C8orf88: variants seen among roughly 807,000 people sequenced by gnomAD.
C8orf88 encodes uncharacterized protein C8orf88.
Under a neutral mutation model 18.4 loss-of-function variants are expected in C8orf88, and 14 were observed. The observed-to-expected ratio is 0.76, with a 90% CI of 0.50 to 1.19. C8orf88 has a LOEUF of 1.19. Among genes scored for constraint, C8orf88 ranks in the 50% most tolerant of loss-of-function variants. The pLI, the probability that C8orf88 is intolerant of heterozygous loss-of-function variation, is 0.00. For missense variants in C8orf88, 116 were observed against 134.7 expected (o/e 0.86, Z 0.69); for synonymous variants, 45 against 42.9 (o/e 1.05, Z -0.19).
chr8:90,983,658 T>C (rs1811464895), intron 1 of C8orf88, among the ~76,000 whole-genome samples: 1 of 152,140 alleles, frequency 6.6e-6, no homozygotes, highest in African/African-American at 2.4e-5. Context: ...AAATATAATT[T>C]CATTTAATTT....
At chr8:90,982,885 A>G (rs1811453770) in intron 1 of C8orf88, among the ~76,000 whole-genome samples, 1 of 152,198 alleles carries the variant, frequency 6.6e-6, no homozygotes, top group Non-Finnish European at 1.5e-5. Context: ...AAGTATTTAT[A>G]AAAAGTAATT....
chr8:90,972,528 G>T (rs1258550309), intron 3 of C8orf88, among the ~76,000 whole-genome samples: 1 of 151,802 alleles, frequency 6.6e-6, no homozygotes, highest in Non-Finnish European at 1.5e-5. Flanking sequence ...AGGTAAAATT[G>T]TACCTTGTCA....
chr8:90,971,283 T>C, intron 3 of C8orf88, 142 bp from the exon 4 acceptor site: 1 of 409,588 alleles, frequency 2.4e-6, no homozygotes, highest in Non-Finnish European at 4.3e-6. Context: ...AGTCTGCTTA[T>C]TTAAAATGAG....
At chr8:90,962,114 G>A (rs1047964682) in intron 4 of C8orf88, among the ~76,000 whole-genome samples, 10 of 151,456 alleles carry the variant, frequency 6.6e-5, no homozygotes, top group Non-Finnish European at 1.2e-4. Flanking sequence ...GAAATACATC[G>A]AGGAAAAATT....
chr8:90,979,999 TA>T (rs1269646659), intron 2 of C8orf88, among the ~76,000 whole-genome samples: 1 of 152,212 alleles, frequency 6.6e-6, no homozygotes, highest in African/African-American at 2.4e-5. Context: ...CTTATTCTTT[TA>T]AAAGGTTAAA....
rs34558575 is a variant in C8orf88 at position 90,968,657 on chromosome 8, CATATATATATATATAT to C, written c.223+2393_223+2408del. On this transcript the variant is annotated intron_variant, in intron 4 of 5. Transcript: ENST00000517562. ...TCTCCAGTAGAGAATGAAAAGACAA[CATATATATATATATAT>C]ATATATATATATGCACACACTGGAA... Among the ~76,000 whole-genome samples, 454 of 72,822 alleles carry C rather than the reference CATATATATATATATAT, an allele frequency of 6.2e-3. 18 individuals are homozygous for C. Among genetic ancestry groups the C allele is most frequent in the Middle Eastern group, 0.016 (2 of 128 alleles). The allele number at this position is 72,822 out of a possible 152,430, so 47.8% of individuals were successfully genotyped here. A position where few individuals can be genotyped will look rare whatever the true frequency, so the allele number is the denominator to read the frequency against.
At chr8:90,975,563 T>C (rs1455237442) in intron 3 of C8orf88, among the ~76,000 whole-genome samples, 1 of 151,874 alleles carries the variant, frequency 6.6e-6, no homozygotes, top group Non-Finnish European at 1.5e-5. Flanking sequence ...TCACTAAACA[T>C]TAGGAAAATG....
intron 3 of C8orf88, among the ~76,000 whole-genome samples, chr8:90,973,104 A>G (rs1279874199): frequency 6.6e-6 from 1 of 152,144 alleles, no homozygotes; most frequent in Non-Finnish European, 1.5e-5. Flanking sequence ...AGGCAGAAAA[A>G]TAAAAGAGCA....
At chr8:90,970,958 TATA>T in intron 4 of C8orf88, 105 bp downstream of exon 4, 2 of 593,878 alleles carry the variant, frequency 3.4e-6, no homozygotes, top group Non-Finnish European at 5.3e-6. Context: ...TCAAAAAATA[TATA>T]ATAAAATTTC....
chr8:90,962,030 T>C (rs1459637160), intron 4 of C8orf88, among the ~76,000 whole-genome samples: 1 of 151,372 alleles, frequency 6.6e-6, no homozygotes, highest in Non-Finnish European at 1.5e-5. Context: ...ATAAGAAGGG[T>C]TGAATTACTA....
At chr8:90,965,937 T>C (rs568206660) in intron 4 of C8orf88, among the ~76,000 whole-genome samples, 1 of 151,212 alleles carries the variant, frequency 6.6e-6, no homozygotes, top group Admixed American at 6.6e-5. Context: ...AAGAAATAAC[T>C]CCATATCTAA....
At chr8:90,980,579 C>A in intron 1 of C8orf88, 118 bp from the exon 2 acceptor site, 1 of 511,810 alleles carries the variant, frequency 2.0e-6, no homozygotes, top group South Asian at 3.1e-5. Flanking sequence ...AAGTGGAAAA[C>A]ACAAACACAA....
chr8:90,969,729 A>G (rs1191582264), intron 4 of C8orf88, among the ~76,000 whole-genome samples: 4 of 151,934 alleles, frequency 2.6e-5, no homozygotes, highest in Non-Finnish European at 4.4e-5. Context: ...TTGCACAACA[A>G]TTGTGAATGT....
intron 4 of C8orf88, among the ~76,000 whole-genome samples, chr8:90,967,903 T>C (rs1228404728): frequency 1.3e-5 from 2 of 151,700 alleles, no homozygotes; most frequent in African/African-American, 4.8e-5. Flanking sequence ...AACTGTAAAA[T>C]ATTGCTAAAA....
At chr8:90,963,479 A>G (rs372123525) in intron 4 of C8orf88, among the ~76,000 whole-genome samples, 3 of 151,860 alleles carry the variant, frequency 2.0e-5, no homozygotes, top group South Asian at 4.1e-4. Flanking sequence ...AAAAAGAAAT[A>G]GAAATTTTCA....
chr8:90,964,598 C>T (rs1811169543), intron 4 of C8orf88, among the ~76,000 whole-genome samples: 1 of 151,634 alleles, frequency 6.6e-6, no homozygotes, highest in Non-Finnish European at 1.5e-5. Flanking sequence ...TGTAACTACA[C>T]AGGTAAATAT....
At chr8:90,981,507 A>T (rs1322543119) in intron 1 of C8orf88, among the ~76,000 whole-genome samples, 1 of 152,128 alleles carries the variant, frequency 6.6e-6, no homozygotes, top group Non-Finnish European at 1.5e-5. Flanking sequence ...AGGTTAAATA[A>T]AATAGTCTAC....
intron 3 of C8orf88, among the ~76,000 whole-genome samples, chr8:90,976,667 T>C (rs765183364): frequency 6.6e-6 from 1 of 151,996 alleles, no homozygotes; most frequent in Non-Finnish European, 1.5e-5. Flanking sequence ...GATATATCTA[T>C]ATGAAAAATT....
In C8orf88 at chr8:90,963,788, T is replaced by C. The variant is rs191964592; in HGVS notation, c.224-2940A>G. ...TCTGAGGAGTAGAAAGAAAAAAGAA[T>C]AAAGAAAATGAACAGAGCCTAAGAC... On this transcript the variant is annotated intron_variant, in intron 4 of 5. Transcript: ENST00000517562. Among the ~76,000 whole-genome samples the C allele has an allele frequency of 2.6e-5, 4 of 150,944 alleles. No individual in the cohort carries two copies. In the East Asian group the frequency reaches 7.8e-4, roughly 29 times the overall value.
Sources: allele counts gnomAD v4.1 joint callset (sites outside exome capture counted in the v4.1 genomes callset), GRCh38; gene constraint gnomAD v4.1.1; transcripts MANE v1.5; gene names NCBI Gene and HGNC (gene_info 2026-07-23, HGNC 2026-07-21).